Variants in OTUD7A observed in about 807,000 individuals in gnomAD.
OTUD7A encodes the protein OTU deubiquitinase 7A, also known as OTU domain-containing protein 7A.
OTUD7A carries 12 observed loss-of-function variants against 65.7 expected under a neutral mutation model. That is an observed-to-expected ratio of 0.18 (90% CI 0.12 to 0.30). The LOEUF (loss-of-function observed/expected upper bound fraction) is 0.30, where lower values mean the gene tolerates loss of function less well. Among genes scored for constraint, OTUD7A ranks in the 10% least tolerant of loss-of-function variants. The pLI is 1.00. For missense variants in OTUD7A, 1,148 were observed against 1,304.8 expected, an observed-to-expected ratio of 0.88 and a Z score of 1.85; for synonymous variants, 641 against 586.3, an observed-to-expected ratio of 1.09 and a Z score of -1.35.
In OTUD7A at chr15:31,481,886, G is replaced by A. The variant is rs2041125976; in HGVS notation, c.*1408C>T. ...ACAGCAAAGCCAGGCGCTTTCTCCT[G>A]TCCTAGGATTATTAGAAGCTATTCT... On this transcript the variant is annotated 3_prime_UTR_variant, in exon 13 of 13. Transcript: ENST00000307050. 1 of 152,138 alleles carries A rather than the reference G, an allele frequency of 6.6e-6. No individual in the cohort carries two copies. Among genetic ancestry groups the A allele is most frequent in the Admixed American group, 6.6e-5 (1 of 15,266 alleles). 9.4% of individuals were successfully genotyped at this position (152,138 alleles called of 1,614,324 possible).
At chr15:31,592,514 T>C (rs1274077138) in intron 3 of OTUD7A, among the ~76,000 whole-genome samples, 1 of 152,106 alleles carries the variant, frequency 6.6e-6, no homozygotes, top group Admixed American at 6.5e-5. Flanking sequence ...AGCTGCCATC[T>C]CTTATAACAA....
At chr15:31,654,958 T>C in intron 3 of OTUD7A, 138 bp downstream of exon 3, 1 of 1,009,652 alleles carries the variant, frequency 9.9e-7, no homozygotes, top group Non-Finnish European at 1.4e-6. Context: ...AAATTTTGAC[T>C]TAATATCGGT....
At chr15:31,707,839 A>G (rs2141333493) in intron 1 of OTUD7A, among the ~76,000 whole-genome samples, 1 of 152,130 alleles carries the variant, frequency 6.6e-6, no homozygotes, top group Admixed American at 6.5e-5. Flanking sequence ...AGTACAGTAT[A>G]ATTTTTCATT....
chr15:31,816,649 G>T (rs938555436), intron 1 of OTUD7A, among the ~76,000 whole-genome samples: 1 of 151,668 alleles, frequency 6.6e-6, no homozygotes, highest in East Asian at 1.9e-4. Context: ...AGCTGAGATC[G>T]TGCACTCCAG....
chr15:31,676,025 G>C (rs1892588246), intron 1 of OTUD7A, among the ~76,000 whole-genome samples: 1 of 152,036 alleles, frequency 6.6e-6, no homozygotes, highest in East Asian at 1.9e-4. Flanking sequence ...CTAAAACTTA[G>C]AAGAATAAGC....
At chr15:31,841,304 C>T (rs1897176395) in intron 1 of OTUD7A, among the ~76,000 whole-genome samples, 1 of 152,160 alleles carries the variant, frequency 6.6e-6, no homozygotes, top group African/African-American at 2.4e-5. Context: ...TGACAGAAGA[C>T]AGAGCCTGGG....
At chr15:31,735,443 G>T (rs1275340476) in intron 1 of OTUD7A, among the ~76,000 whole-genome samples, 1 of 151,832 alleles carries the variant, frequency 6.6e-6, no homozygotes, top group Admixed American at 6.6e-5. Context: ...CAGGGGAATT[G>T]CTAGAACCTG....
chr15:31,738,992 G>A (rs754464465), intron 1 of OTUD7A, among the ~76,000 whole-genome samples: 1 of 152,164 alleles, frequency 6.6e-6, no homozygotes, highest in Non-Finnish European at 1.5e-5. Flanking sequence ...GGACCTGCTG[G>A]GGAAGGGGCT....
chr15:31,662,185 T>C (rs1892183585), intron 1 of OTUD7A, among the ~76,000 whole-genome samples: 1 of 152,242 alleles, frequency 6.6e-6, no homozygotes, highest in Admixed American at 6.5e-5. Context: ...TTGCGTATAC[T>C]GGCAGCATAA....
At chr15:31,870,225 C>T (rs1897991004) in intron 1 of OTUD7A, among the ~76,000 whole-genome samples, 1 of 149,052 alleles carries the variant, frequency 6.7e-6, no homozygotes, top group Admixed American at 6.7e-5. Flanking sequence ...CGCGCCCTGC[C>T]CGAGAGAGGC....
chr15:31,728,047 T>C (rs544981599), intron 1 of OTUD7A, among the ~76,000 whole-genome samples: 2 of 152,356 alleles, frequency 1.3e-5, no homozygotes, highest in South Asian at 4.1e-4. Context: ...TTTACCTTGG[T>C]TTTGTACATC....
Position 31,487,282 on chromosome 15 carries a change from G to T in OTUD7A, c.1287-4C>A, listed in dbSNP as rs867867883. 6.2e-7 allele frequency: 1 copy of T among 1,613,840 alleles called. No individual in the cohort carries two copies. Among genetic ancestry groups the T allele is most frequent in the Non-Finnish European group, 8.5e-7 (1 of 1,179,794 alleles). ...GGCTTCTAGCGACAGGATAAGGCTG[G>T]CAAGAGAAGAATATCCTATTGAAAT... On this transcript the variant is annotated splice_polypyrimidine_tract_variant and splice_region_variant and intron_variant, in intron 11 of 12. Coordinates refer to ENST00000307050, the MANE Select transcript of OTUD7A (RefSeq NM_001382637.1). This position sits in a 1 kb window ranked among gnomAD's most constrained non-coding sequence, Gnocchi z 6.0.
chr15:31,623,548 G>A (rs1007001337), intron 3 of OTUD7A, among the ~76,000 whole-genome samples: 2 of 152,220 alleles, frequency 1.3e-5, no homozygotes, highest in African/African-American at 2.4e-5. Flanking sequence ...CTCCGTGGGC[G>A]TGGGACCCTC....
chr15:31,643,469 C>T (rs1474818809), intron 3 of OTUD7A, among the ~76,000 whole-genome samples: 4 of 152,170 alleles, frequency 2.6e-5, no homozygotes, highest in Non-Finnish European at 5.9e-5. Context: ...AAGTTCAACT[C>T]AGGCTTTAAA....
At chr15:31,539,044 C>T (rs115862349) in intron 5 of OTUD7A, among the ~76,000 whole-genome samples, 2,758 of 152,254 alleles carry the variant, frequency 0.018, 103 homozygotes, top group African/African-American at 0.064. Flanking sequence ...TCTGGGGAGG[C>T]GCTGGCTTGG....
intron 1 of OTUD7A, chr15:31,766,906 A>G: frequency 1.9e-6 from 3 of 1,610,106 alleles, no homozygotes; most frequent in Middle Eastern, 3.3e-4. Context: ...CACATCTACA[A>G]TTCCTTCCAA....
intron 3 of OTUD7A, among the ~76,000 whole-genome samples, chr15:31,618,477 G>A (rs1217930767): frequency 6.6e-6 from 1 of 152,136 alleles, no homozygotes; most frequent in Non-Finnish European, 1.5e-5. Flanking sequence ...CATTCTAACT[G>A]GTGTGAGATG....
intron 3 of OTUD7A, among the ~76,000 whole-genome samples, chr15:31,642,361 TTGTC>T (rs1467252699): frequency 1.3e-5 from 2 of 152,222 alleles, no homozygotes; most frequent in Non-Finnish European, 2.9e-5. Flanking sequence ...TGAGGAATAT[TTGTC>T]TGTAGTCTTT....
At chr15:31,585,500 T>C (rs1366061306) in intron 3 of OTUD7A, among the ~76,000 whole-genome samples, 1 of 152,194 alleles carries the variant, frequency 6.6e-6, no homozygotes, top group East Asian at 1.9e-4. Context: ...GGTGAGCTGC[T>C]TCGGTGCTCT....
Sources: allele counts gnomAD v4.1 joint callset (sites outside exome capture counted in the v4.1 genomes callset), GRCh38; gene constraint gnomAD v4.1.1; non-coding constraint Gnocchi (gnomAD v3.1); transcripts MANE v1.5; gene names NCBI Gene and HGNC (gene_info 2026-07-23, HGNC 2026-07-21).